Variants in DST observed in about 807,000 individuals in gnomAD.
The protein encoded by DST is dystonin.
In DST, 253 loss-of-function variants were observed where a neutral mutation model predicts 875.2. The ratio of observed to expected loss-of-function variants is 0.29; its 90% CI spans 0.26 to 0.32. The LOEUF is 0.32. Ranked by LOEUF, DST falls within the 10% of genes least tolerant of loss-of-function variation. DST has a pLI of 1.00. For synonymous variants in DST, 3,124 were observed against 3,197.1 expected (o/e 0.98, Z 0.77); for missense variants, 8,287 against 9,111.6 (o/e 0.91, Z 3.68).
chr6:56,614,931 A>G (rs184761351), intron 36 of DST: 12 of 992,828 alleles, frequency 1.2e-5, no homozygotes, highest in Non-Finnish European at 1.4e-5. Context: ...CCTCCAACAC[A>G]TAATATTCAT....
At chr6:56,633,724 T>C (rs996144869) in intron 27 of DST, among the ~76,000 whole-genome samples, 1 of 148,618 alleles carries the variant, frequency 6.7e-6, no homozygotes, top group Non-Finnish European at 1.5e-5. Context: ...GGTCTCGAAC[T>C]CCAGACCTCT....
chr6:56,562,297 C>CGGAGTGTTGAAA (rs79573569), intron 55 of DST, 97 bp from the exon 56 acceptor site: 5 of 736,312 alleles, frequency 6.8e-6, no homozygotes, highest in Non-Finnish European at 8.3e-6. Context: ...ACAGTAATCA[C>CGGAGTGTTGAAA]ACATAAAACA....
At chr6:56,592,396 C>A (rs2098293396) in intron 48 of DST, 38 bp from the exon 49 acceptor site, 1 of 1,503,770 alleles carries the variant, frequency 6.6e-7, no homozygotes, top group Non-Finnish European at 9.1e-7. Flanking sequence ...GAGATTAAAA[C>A]CCACTATTTT....
chr6:56,843,135 T>C (rs1437411356), intron 4 of DST: 1 of 1,564,020 alleles, frequency 6.4e-7, no homozygotes, highest in South Asian at 1.2e-5. Flanking sequence ...AGGGGAGAGG[T>C]AACCCGCCAT....
intron 8 of DST, 100 bp downstream of exon 8, chr6:56,701,788 T>C: frequency 1.4e-6 from 1 of 721,538 alleles, no homozygotes; most frequent in East Asian, 2.7e-5. Flanking sequence ...CTGGTTACAA[T>C]TCACAGGCAA....
chr6:56,922,601 T>C (rs1333536841), intron 2 of DST, among the ~76,000 whole-genome samples: 1 of 152,104 alleles, frequency 6.6e-6, no homozygotes, highest in Non-Finnish European at 1.5e-5. Flanking sequence ...CTCTGTTTTT[T>C]TTGCCTTAGA....
At chr6:56,794,211 G>C (rs2099735949) in intron 4 of DST, among the ~76,000 whole-genome samples, 1 of 152,174 alleles carries the variant, frequency 6.6e-6, no homozygotes, top group South Asian at 2.1e-4. Flanking sequence ...CTGAACCTCA[G>C]AGCTGACATG....
intron 3 of DST, among the ~76,000 whole-genome samples, chr6:56,894,684 G>T (rs1384314097): frequency 1.5e-4 from 9 of 58,836 alleles, no homozygotes; most frequent in African/African-American, 3.9e-4. Flanking sequence ...CCTCCCGGAC[G>T]GGGCGGCTGG....
intron 55 of DST, among the ~76,000 whole-genome samples, chr6:56,566,831 G>T (rs2097687979): frequency 6.6e-6 from 1 of 152,124 alleles, no homozygotes; most frequent in Admixed American, 6.5e-5. Context: ...TGGGCTTAAT[G>T]GAGGCAGAAT....
intron 3 of DST, among the ~76,000 whole-genome samples, chr6:56,857,452 CACTT>C (rs1331206584): frequency 2.0e-5 from 3 of 152,178 alleles, no homozygotes; most frequent in African/African-American, 7.2e-5. Flanking sequence ...TCTTCACAAA[CACTT>C]AGAGAAGCAC....
intron 60 of DST, among the ~76,000 whole-genome samples, chr6:56,554,065 G>A (rs113594997): frequency 0.018 from 2,495 of 136,534 alleles, 73 homozygotes; most frequent in African/African-American, 0.065. Flanking sequence ...ACTTTTTCGC[G>A]TCTATGACTT....
chr6:56,843,263 G>C, intron 4 of DST: 1 of 1,268,682 alleles, frequency 7.9e-7, no homozygotes, highest in Non-Finnish European at 1.0e-6. Flanking sequence ...GGAGCAGCAC[G>C]CTGGGGAGAA....
chr6:56,725,140 G>A (rs1453097249), intron 5 of DST, among the ~76,000 whole-genome samples: 4 of 152,292 alleles, frequency 2.6e-5, no homozygotes, highest in Middle Eastern at 3.4e-3. Flanking sequence ...GAGGAGAGAC[G>A]TGAGTCTAAG....
chr6:56,529,985 C>A lies in DST; in HGVS notation c.17257G>T (p.Ala5753Ser). ...GATTTATATCTTACTTTGTGCTGTG[C>A]AATTTGTTCCTCAAGTTTAGATGCT... ...TQASKLEEQI[A>S]QHKALEDDII... The change falls in exon 65 of 104, where the codon GCA (alanine) becomes TCA (serine). Residue 5753 changes from alanine (A) to serine (S), a missense_variant. Physicochemically the swap from Ala to Ser is moderately conservative, Grantham distance 99. Around this residue, in one of 10 missense-constraint regions of DST, gnomAD observed 777 missense variants for 764.8 expected, o/e 1.02. Transcript: ENST00000680361. The A allele has an allele frequency of 6.2e-7, 1 of 1,613,234 alleles. No individual in the cohort carries two copies.
At chr6:56,776,739 G>A (rs2099680012) in intron 4 of DST, among the ~76,000 whole-genome samples, 1 of 152,036 alleles carries the variant, frequency 6.6e-6, no homozygotes, top group Non-Finnish European at 1.5e-5. Context: ...AAAAAATATT[G>A]TTAAAAAGGC....
At chr6:56,636,054 G>A (rs972312480) in intron 23 of DST, among the ~76,000 whole-genome samples, 1 of 152,052 alleles carries the variant, frequency 6.6e-6, no homozygotes, top group Non-Finnish European at 1.5e-5. Flanking sequence ...AAGTTAAATG[G>A]TTATAGATGG....
intron 5 of DST, among the ~76,000 whole-genome samples, chr6:56,709,997 T>C (rs1268971550): frequency 1.3e-5 from 2 of 152,172 alleles, no homozygotes; most frequent in African/African-American, 2.4e-5. Flanking sequence ...CCGGTGGACA[T>C]AGAGGCTTTA....
chr6:56,906,219 C>T (rs1298446217), intron 2 of DST, among the ~76,000 whole-genome samples: 2 of 152,202 alleles, frequency 1.3e-5, no homozygotes, highest in African/African-American at 4.8e-5. Context: ...GTTCCAATTT[C>T]TCCATAGCCT....
intron 36 of DST, chr6:56,617,147 A>C: frequency 1.2e-6 from 2 of 1,605,070 alleles, no homozygotes; most frequent in Non-Finnish European, 1.7e-6. Context: ...TCTCATGTCC[A>C]GAAGCTTAGC....
Sources: allele counts gnomAD v4.1 joint callset (sites outside exome capture counted in the v4.1 genomes callset), GRCh38; gene constraint gnomAD v4.1.1; regional missense constraint gnomAD v4.1.1; transcripts MANE v1.5; gene names NCBI Gene and HGNC (gene_info 2026-07-23, HGNC 2026-07-21).